The following SPTLC2 variants were observed in gnomAD, a reference collection of about 807,000 sequenced individuals.
SPTLC2 encodes serine palmitoyltransferase 2.
Under a neutral mutation model 62.0 loss-of-function variants are expected in SPTLC2, and 21 were observed. That is an observed-to-expected ratio of 0.34 (90% confidence interval 0.24 to 0.49). SPTLC2 has a LOEUF of 0.49. Among genes scored for constraint, SPTLC2 ranks in the 20% least tolerant of loss-of-function variants. The pLI, the probability that SPTLC2 is intolerant of heterozygous loss-of-function variation, is 0.99. For synonymous variants in SPTLC2, 261 were observed against 261.8 expected, an observed-to-expected ratio of 1.00 and a Z score of 0.03; for missense variants, 511 against 713.0, an observed-to-expected ratio of 0.72 and a Z score of 3.23.
chr14:77,542,347 C>A (rs1294119903), intron 9 of SPTLC2, among the ~76,000 whole-genome samples: 1 of 151,886 alleles, frequency 6.6e-6, no homozygotes, highest in South Asian at 2.1e-4. Flanking sequence ...ACATGTTTCC[C>A]GTAAGTCCTA....
chr14:77,517,414 G>T (rs537559322), intron 11 of SPTLC2, among the ~76,000 whole-genome samples: 2 of 152,296 alleles, frequency 1.3e-5, no homozygotes, highest in South Asian at 4.1e-4. Flanking sequence ...AATATATAGA[G>T]ATGAGAATAT....
intron 3 of SPTLC2, among the ~76,000 whole-genome samples, chr14:77,577,184 T>A (rs1595000692): frequency 6.6e-6 from 1 of 151,936 alleles, no homozygotes; most frequent in East Asian, 1.9e-4. Flanking sequence ...ATATCAGGTT[T>A]GTTTTTTGGA....
At chr14:77,603,369 C>G (rs2079888204) in intron 1 of SPTLC2, among the ~76,000 whole-genome samples, 2 of 152,182 alleles carry the variant, frequency 1.3e-5, no homozygotes, top group African/African-American at 4.8e-5. Context: ...TTTTCAAGTG[C>G]TATGTTTCTG....
chr14:77,562,589 A>C, intron 5 of SPTLC2, 100 bp from the exon 6 acceptor site: 1 of 900,726 alleles, frequency 1.1e-6, no homozygotes, highest in Non-Finnish European at 1.8e-6. Flanking sequence ...TATCTTATTA[A>C]GGAAATTGTG....
intron 5 of SPTLC2, among the ~76,000 whole-genome samples, chr14:77,567,527 G>A (rs1004289879): frequency 4.6e-5 from 7 of 152,150 alleles, no homozygotes; most frequent in African/African-American, 1.7e-4. Context: ...TGAATATTTT[G>A]GCATGAAGTT....
At chr14:77,523,396 T>G (rs888718365) in intron 9 of SPTLC2, among the ~76,000 whole-genome samples, 1 of 151,986 alleles carries the variant, frequency 6.6e-6, no homozygotes, top group Non-Finnish European at 1.5e-5. Flanking sequence ...CATCTGAGAT[T>G]GGAGTGGAGA....
At chr14:77,610,913 A>AT (rs1437166954) in intron 1 of SPTLC2, among the ~76,000 whole-genome samples, 9 of 126,690 alleles carry the variant, frequency 7.1e-5, no homozygotes, top group South Asian at 5.0e-4. Flanking sequence ...CTTTATATAT[A>AT]TATATTTTTA....
At chr14:77,595,444 A>C (rs2079841236) in intron 2 of SPTLC2, among the ~76,000 whole-genome samples, 1 of 152,150 alleles carries the variant, frequency 6.6e-6, no homozygotes, top group Non-Finnish European at 1.5e-5. Context: ...GGGTTACTGG[A>C]CCAACTTCTG....
chr14:77,567,370 T>C (rs7153567), intron 5 of SPTLC2, among the ~76,000 whole-genome samples: 145,477 of 152,350 alleles, frequency 0.95, 69,783 homozygotes, highest in East Asian at 1. Flanking sequence ...AGATGAGATT[T>C]TCTAATCCTC....
intron 6 of SPTLC2, among the ~76,000 whole-genome samples, chr14:77,560,956 CA>C (rs1274740928): frequency 6.6e-6 from 1 of 150,596 alleles, no homozygotes; most frequent in East Asian, 2.0e-4. Context: ...AATCTGTACA[CA>C]AACCCCCGAG....
At chr14:77,604,866 C>CAAA (rs35580409) in intron 1 of SPTLC2, among the ~76,000 whole-genome samples, 1 of 94,184 alleles carries the variant, frequency 1.1e-5, no homozygotes, top group Non-Finnish European at 2.1e-5. Context: ...GACTCTTTCT[C>CAAA]AAAAAAAAAA....
At chr14:77,541,060 G>A (rs1177747787) in intron 9 of SPTLC2, among the ~76,000 whole-genome samples, 1 of 151,652 alleles carries the variant, frequency 6.6e-6, no homozygotes, top group Non-Finnish European at 1.5e-5. Flanking sequence ...TTGAGTCAGG[G>A]ACTCACTCTG....
chr14:77,605,493 T>C (rs140451723), intron 1 of SPTLC2, among the ~76,000 whole-genome samples: 1 of 152,230 alleles, frequency 6.6e-6, no homozygotes. Flanking sequence ...CTTCTATGCA[T>C]AGCAAAGAGG....
intron 11 of SPTLC2, among the ~76,000 whole-genome samples, chr14:77,514,356 T>C (rs935804610): frequency 2.6e-5 from 4 of 152,168 alleles, no homozygotes; most frequent in African/African-American, 7.2e-5. Context: ...TTGATCCCAC[T>C]CCAAATATTT....
Position 77,510,917 on chromosome 14 carries a change from A to G in SPTLC2, c.*1367T>C, listed in dbSNP as rs1267729841. The G allele has an allele frequency of 6.6e-6, 1 of 152,670 alleles. No individual in the cohort carries two copies. The highest frequency in any genetic ancestry group is 1.9e-4 in the East Asian group (1 of 5,198). 9.5% of individuals were successfully genotyped at this position (152,670 alleles called of 1,614,324 possible). On this transcript the variant is annotated 3_prime_UTR_variant, in exon 12 of 12. Transcript: ENST00000216484. ...CTTAAACTTTGGTTCAACTGAAAAA[A>G]TAACTTTAAAATGGTGATTTTCAGA...
At chr14:77,561,643 T>C (rs1272116170) in intron 6 of SPTLC2, among the ~76,000 whole-genome samples, 1 of 150,858 alleles carries the variant, frequency 6.6e-6, no homozygotes, top group Non-Finnish European at 1.5e-5. Context: ...ACAGGTTACA[T>C]AGTGATATTT....
intron 8 of SPTLC2, 79 bp downstream of exon 8, chr14:77,555,221 C>A (rs2079576095): frequency 2.6e-6 from 4 of 1,562,906 alleles, no homozygotes; most frequent in Non-Finnish European, 3.5e-6. Context: ...AGTTCAGGGC[C>A]CCATCTGCTA....
At chr14:77,589,799 A>ACACG (rs1372419243) in intron 2 of SPTLC2, among the ~76,000 whole-genome samples, 3 of 151,246 alleles carry the variant, frequency 2.0e-5, no homozygotes, top group Non-Finnish European at 4.4e-5. Flanking sequence ...CCACACACAC[A>ACACG]CACACACACA....
At chr14:77,594,008 T>C (rs780740503) in intron 2 of SPTLC2, among the ~76,000 whole-genome samples, 2 of 152,220 alleles carry the variant, frequency 1.3e-5, no homozygotes, top group Non-Finnish European at 1.5e-5. Flanking sequence ...ACTGGGAATA[T>C]TCTATTGAAA....
Sources: gnomAD v4.1 joint callset for allele counts (sites outside exome capture counted in the v4.1 genomes callset) on GRCh38, gnomAD v4.1.1 for gene constraint, MANE v1.5 for transcripts, NCBI Gene and HGNC (gene_info 2026-07-23, HGNC 2026-07-21) for gene names.